LOXHD1: variants seen among roughly 807,000 people sequenced by gnomAD.
LOXHD1 encodes lipoxygenase homology PLAT domains 1.
Under a neutral mutation model 248.2 loss-of-function variants are expected in LOXHD1, and 205 were observed. That is an observed-to-expected ratio of 0.83 (90% CI 0.74 to 0.93). The LOEUF (loss-of-function observed/expected upper bound fraction) is 0.93. LOXHD1 is among the 40% of genes least tolerant of loss of function. The pLI, the probability that LOXHD1 is intolerant of heterozygous loss-of-function variation, is 0.00. For synonymous variants in LOXHD1, 1,113 were observed against 1,162.8 expected, an observed-to-expected ratio of 0.96 and a Z score of 0.87; for missense variants, 2,930 against 2,971.6, an observed-to-expected ratio of 0.99 and a Z score of 0.33.
intron 4 of LOXHD1, among the ~76,000 whole-genome samples, chr18:46,631,411 C>A (rs540157935): frequency 1.3e-5 from 2 of 152,264 alleles, no homozygotes; most frequent in African/African-American, 4.8e-5. Context: ...CCTCCCTGCC[C>A]GTGAGATTCC....
At chr18:46,593,246 C>T (rs1037832280) in intron 10 of LOXHD1, among the ~76,000 whole-genome samples, 2 of 152,212 alleles carry the variant, frequency 1.3e-5, no homozygotes, top group African/African-American at 4.8e-5. Context: ...GATCCTTACT[C>T]TCTAAATCAG....
In LOXHD1 at chr18:46,579,634, C is replaced by T. The variant is rs997841684; in HGVS notation, c.1805G>A (p.Gly602Asp). ...GGGCACATTGCTGTAACTTACATTG[C>T]CCTTTTCAAACAGGTCTGTGTTATT... Reference protein sequence around the residue: ...CRNNTDLFEKGNADEFTIESV... With the variant: ...CRNNTDLFEKDNADEFTIESV... Residue 602 changes from glycine to aspartate, a missense_variant, in exon 13 of 41, where the codon GGC (glycine) becomes GAC (aspartate). Gly to Asp is a moderately conservative substitution (Grantham distance 94, BLOSUM62 -1). Coordinates refer to ENST00000642948, the MANE Select transcript of LOXHD1 (RefSeq NM_001384474.1). The T allele has an allele frequency of 2.1e-5, 33 of 1,551,550 alleles. No homozygotes were observed. The highest frequency in any genetic ancestry group is 2.7e-5 in the Non-Finnish European group (31 of 1,146,988).
intron 34 of LOXHD1, among the ~76,000 whole-genome samples, chr18:46,510,042 G>A (rs2034864423): frequency 6.6e-6 from 1 of 152,184 alleles, no homozygotes; most frequent in South Asian, 2.1e-4. Context: ...CGAACCAAGA[G>A]GTATCAGTGC....
In LOXHD1 at chr18:46,477,455, G is replaced by A. The variant is rs2143413040; in HGVS notation, c.*17C>T. On this transcript the variant is annotated 3_prime_UTR_variant, in exon 41 of 41. Transcript: ENST00000642948. ...GAGATTGGGGCATCTCAGTGAGAGG[G>A]TGGGGGCCCTAGCCCCTCAGACAGA... is the stretch of plus-strand genomic sequence containing the variant. 4 of 1,541,684 alleles carry A rather than the reference G, an allele frequency of 2.6e-6. No individual in the cohort carries two copies. The highest frequency in any genetic ancestry group is 2.0e-5 in the Admixed American group (1 of 50,848).
rs1197209525 is a variant in LOXHD1 at position 46,657,145 on chromosome 18, T to C, written c.-112A>G. The C allele has an allele frequency of 6.6e-7, 1 of 1,520,424 alleles. No individual in the cohort carries two copies. Among genetic ancestry groups the C allele is most frequent in the Non-Finnish European group, 8.8e-7 (1 of 1,130,184 alleles). 94.2% of individuals were successfully genotyped at this position (1,520,424 alleles called of 1,614,324 possible). On this transcript the variant is annotated 5_prime_UTR_variant, in exon 1 of 41. Coordinates refer to ENST00000642948, the MANE Select transcript of LOXHD1 (RefSeq NM_001384474.1). The stretch of plus-strand genomic sequence containing the variant: ...CTGGCGCCCACGGCCCTCCTATAGC[T>C]CAGGCCTGGGTGGGCCAGAGTGCCC...
Position 46,572,075 on chromosome 18 carries a change from G to A in LOXHD1, c.2047+11C>T. The A allele has an allele frequency of 6.4e-7, 1 of 1,551,498 alleles. No individual in the cohort carries two copies. Among genetic ancestry groups the A allele is most frequent in the Non-Finnish European group, 8.7e-7 (1 of 1,146,744 alleles). The stretch of plus-strand genomic sequence containing the variant: ...GGGCACACCCAGCACCTGGTCATCA[G>A]GACAACTCACTCTTCAGTGTCGCGC... On this transcript the variant is annotated intron_variant, in intron 15 of 40. Coordinates refer to ENST00000642948, the MANE Select transcript of LOXHD1 (RefSeq NM_001384474.1).
chr18:46,588,421 AGAC>A, intron 12 of LOXHD1, among the ~76,000 whole-genome samples: 1 of 152,320 alleles, frequency 6.6e-6, no homozygotes, highest in South Asian at 2.1e-4. Flanking sequence ...GCATCACAGA[AGAC>A]AACAAAAAAA....
chr18:46,549,471 T>A (rs533927057), intron 21 of LOXHD1, among the ~76,000 whole-genome samples: 1 of 152,330 alleles, frequency 6.6e-6, no homozygotes, highest in Admixed American at 6.5e-5. Flanking sequence ...CAGAGTGGTG[T>A]AATGACAAAA....
At chr18:46,617,626 C>A (rs181131345) in intron 5 of LOXHD1, among the ~76,000 whole-genome samples, 2 of 151,716 alleles carry the variant, frequency 1.3e-5, no homozygotes, top group Admixed American at 1.3e-4. Context: ...TGTAGCTTTT[C>A]CAACTCCTAT....
intron 21 of LOXHD1, among the ~76,000 whole-genome samples, chr18:46,553,424 A>G (rs2037188778): frequency 6.6e-6 from 1 of 152,236 alleles, no homozygotes; most frequent in African/African-American, 2.4e-5. Context: ...AACCTAAATC[A>G]TCAGCCTCCT....
At chr18:46,637,247 A>G (rs2038904488) in intron 4 of LOXHD1, among the ~76,000 whole-genome samples, 2 of 152,240 alleles carry the variant, frequency 1.3e-5, no homozygotes, top group Non-Finnish European at 2.9e-5. Flanking sequence ...GGAAATACTA[A>G]GAACCTAATG....
chr18:46,517,039 G>C (rs563526569), intron 34 of LOXHD1, among the ~76,000 whole-genome samples: 2 of 152,336 alleles, frequency 1.3e-5, no homozygotes, highest in South Asian at 4.1e-4. Context: ...GAGGGGCTCA[G>C]AAAGGAAGCC....
At chr18:46,565,092 C>A (rs2037611439) in intron 17 of LOXHD1, among the ~76,000 whole-genome samples, 1 of 151,944 alleles carries the variant, frequency 6.6e-6, no homozygotes, top group African/African-American at 2.4e-5. Context: ...GGTGAAACCC[C>A]ATCTCTACTA....
At chr18:46,574,430 G>T (rs191281) in intron 14 of LOXHD1, among the ~76,000 whole-genome samples, 56,919 of 133,078 alleles carry the variant, frequency 0.43, 11,886 homozygotes, top group African/African-American at 0.63. Flanking sequence ...CCTGATCCTA[G>T]CAGAAATTCT....
At chr18:46,631,751 A>G (rs2038826680) in intron 4 of LOXHD1, among the ~76,000 whole-genome samples, 1 of 152,358 alleles carries the variant, frequency 6.6e-6, no homozygotes, top group African/African-American at 2.4e-5. Context: ...CCGGGGCTCC[A>G]GAAAGACCTG....
chr18:46,501,419 A>G (rs982450213), intron 37 of LOXHD1, among the ~76,000 whole-genome samples: 3 of 152,158 alleles, frequency 2.0e-5, no homozygotes, highest in Admixed American at 6.5e-5. Flanking sequence ...TGGCCCCCAA[A>G]CATAGTGGTT....
chr18:46,566,018 A>G (rs143192178), intron 17 of LOXHD1, among the ~76,000 whole-genome samples: 50 of 152,314 alleles, frequency 3.3e-4, no homozygotes, highest in African/African-American at 1.2e-3. Context: ...TGCTGCCTTT[A>G]TTCCACAAAA....
chr18:46,509,256 G>A (rs1009732012), intron 35 of LOXHD1, among the ~76,000 whole-genome samples: 1 of 152,080 alleles, frequency 6.6e-6, no homozygotes, highest in African/African-American at 2.4e-5. Flanking sequence ...AGACTCAGAG[G>A]CCCACAATGG....
intron 6 of LOXHD1, 107 bp downstream of exon 6, chr18:46,610,669 G>C: frequency 7.8e-7 from 1 of 1,284,254 alleles, no homozygotes; most frequent in Non-Finnish European, 1.0e-6. Flanking sequence ...AAGAGTGGAT[G>C]CAGATGGACC....
Sources: allele counts gnomAD v4.1 joint callset (sites outside exome capture counted in the v4.1 genomes callset), GRCh38; gene constraint gnomAD v4.1.1; transcripts MANE v1.5; gene names NCBI Gene and HGNC (gene_info 2026-07-23, HGNC 2026-07-21).